The following GIPC2 variants were observed in gnomAD, a reference collection of about 807,000 sequenced individuals.
GIPC2 encodes PDZ domain-containing protein GIPC2.
A neutral mutation model predicts 30.6 loss-of-function variants in GIPC2; 30 were observed. That is an observed-to-expected ratio of 0.98 (90% CI 0.73 to 1.33). The LOEUF (loss-of-function observed/expected upper bound fraction) is 1.33. GIPC2 is among the 40% of genes most tolerant of loss of function. The pLI is 0.00. For missense variants in GIPC2, 414 were observed against 390.3 expected (o/e 1.06, Z -0.51); for synonymous variants, 167 against 150.0 (o/e 1.11, Z -0.83).
chr1:78,047,923 C>T (rs1263074237), intron 1 of GIPC2, among the ~76,000 whole-genome samples: 2 of 152,238 alleles, frequency 1.3e-5, no homozygotes, highest in African/African-American at 2.4e-5. Context: ...GATTCCTAAG[C>T]TAGTGAGCTT....
chr1:78,068,582 A>G (rs1425297382), intron 1 of GIPC2, among the ~76,000 whole-genome samples: 1 of 152,244 alleles, frequency 6.6e-6, no homozygotes, highest in African/African-American at 2.4e-5. Context: ...TGAAAGAGAT[A>G]GTATCTATAA....
At chr1:78,047,778 G>T (rs1309606557) in intron 1 of GIPC2, among the ~76,000 whole-genome samples, 2 of 152,122 alleles carry the variant, frequency 1.3e-5, no homozygotes, top group African/African-American at 4.8e-5. Context: ...TATGGTTAGG[G>T]CTTAATACAT....
intron 1 of GIPC2, among the ~76,000 whole-genome samples, chr1:78,053,179 G>T (rs1661225400): frequency 1.3e-5 from 2 of 152,308 alleles, no homozygotes; most frequent in South Asian, 4.1e-4. Context: ...CTGACATCTG[G>T]TAGGGGCCTT....
At chr1:78,045,024 G>T (rs568988051), upstream of GIPC2, 2 of 910,562 alleles carry the variant, frequency 2.2e-6, no homozygotes, top group African/African-American at 1.8e-5. Flanking sequence ...GGGTGGGGAC[G>T]GGGAGAGGAG....
At chr1:78,092,132 G>A in intron 2 of GIPC2, 1 of 869,698 alleles carries the variant, frequency 1.1e-6, no homozygotes, top group African/African-American at 1.7e-5. Flanking sequence ...GGGTGTTCAG[G>A]ATGGGAGACA....
chr1:78,087,032 A>G (rs543122042), intron 2 of GIPC2, among the ~76,000 whole-genome samples: 1 of 152,280 alleles, frequency 6.6e-6, no homozygotes, highest in East Asian at 1.9e-4. Context: ...TTATAGTAAC[A>G]CTGGTCTATG....
intron 2 of GIPC2, chr1:78,092,076 C>T: frequency 4.7e-6 from 7 of 1,478,550 alleles, no homozygotes; most frequent in South Asian, 2.3e-5. Context: ...GCTTCACCCC[C>T]CGGCTTTGTG....
chr1:78,127,286 C>A (rs889679850), intron 5 of GIPC2, among the ~76,000 whole-genome samples: 1 of 152,182 alleles, frequency 6.6e-6, no homozygotes, highest in African/African-American at 2.4e-5. Context: ...TTATTTGCAA[C>A]TCTAGTATCA....
chr1:78,046,288 A>C lies in GIPC2; in HGVS notation c.194A>C (p.Glu65Ala), dbSNP rs746877631. The part of the protein sequence containing the change: ...GRVEGFSSIQ[E>A]LYAQIAGAFE... ...GTGGAGGGCTTCTCCAGCATCCAGG[A>C]GCTCTACGCCCAGATCGCGGGCGCG... The change falls in exon 1 of 6, where the codon GAG (glutamate) becomes GCG (alanine). Residue 65 changes from glutamate to alanine, a missense_variant. Glu to Ala is a moderately radical substitution (Grantham distance 107, BLOSUM62 -1). Coordinates refer to ENST00000370759, the MANE Select transcript of GIPC2 (RefSeq NM_017655.6). 1 of 1,611,848 alleles carries C rather than the reference A, an allele frequency of 6.2e-7. No homozygotes were observed. The highest frequency in any genetic ancestry group is 8.5e-7 in the Non-Finnish European group (1 of 1,179,504).
chr1:78,071,245 CTA>C (rs1661612035), intron 1 of GIPC2, among the ~76,000 whole-genome samples: 2 of 152,016 alleles, frequency 1.3e-5, no homozygotes, highest in Non-Finnish European at 2.9e-5. Context: ...ACAAATGTAA[CTA>C]GTCATTTTTA....
At chr1:78,045,061 AT>A (rs1252591204), upstream of GIPC2, 2 of 983,346 alleles carry the variant, frequency 2.0e-6, no homozygotes, top group African/African-American at 1.7e-5. Flanking sequence ...AGAGGACAAA[AT>A]TTAAGAAGAA....
At chr1:78,101,176 A>G (rs925528350) in intron 3 of GIPC2, among the ~76,000 whole-genome samples, 2 of 152,150 alleles carry the variant, frequency 1.3e-5, no homozygotes, top group African/African-American at 2.4e-5. Context: ...GCACTGAGGA[A>G]TGGCCAGACA....
chr1:78,063,505 A>C (rs532903831), intron 1 of GIPC2, among the ~76,000 whole-genome samples: 18 of 80,500 alleles, frequency 2.2e-4, no homozygotes, highest in Admixed American at 1.1e-3. Flanking sequence ...AAAAACAAAC[A>C]AAAAAAAAAC....
intron 2 of GIPC2, chr1:78,091,922 C>T (rs982896606): frequency 5.9e-6 from 5 of 845,222 alleles, no homozygotes; most frequent in Non-Finnish European, 1.0e-5. Flanking sequence ...TTTCTATTAA[C>T]AACACTCTGT....
chr1:78,091,274 T>A (rs1662032341), intron 2 of GIPC2, among the ~76,000 whole-genome samples: 1 of 152,246 alleles, frequency 6.6e-6, no homozygotes, highest in African/African-American at 2.4e-5. Context: ...ACTGTATGAC[T>A]GTTAGCTTAT....
intron 2 of GIPC2, among the ~76,000 whole-genome samples, chr1:78,083,249 T>C (rs1361608116): frequency 6.6e-6 from 1 of 152,202 alleles, no homozygotes; most frequent in Non-Finnish European, 1.5e-5. Flanking sequence ...GAATAGTTCC[T>C]CAGCCTTTTA....
At chr1:78,077,272 A>G (rs1456645428) in intron 1 of GIPC2, among the ~76,000 whole-genome samples, 3 of 152,230 alleles carry the variant, frequency 2.0e-5, no homozygotes, top group Non-Finnish European at 2.9e-5. Flanking sequence ...TTATAGGCTG[A>G]AATGACAATA....
chr1:78,079,350 G>C (rs1417443787), intron 1 of GIPC2, among the ~76,000 whole-genome samples: 2 of 152,214 alleles, frequency 1.3e-5, no homozygotes, highest in African/African-American at 4.8e-5. Flanking sequence ...TGTATAGCAG[G>C]GACAGCTTTA....
intron 1 of GIPC2, among the ~76,000 whole-genome samples, chr1:78,070,493 C>G (rs564646145): frequency 6.6e-6 from 1 of 151,428 alleles, no homozygotes; most frequent in African/African-American, 2.4e-5. Flanking sequence ...CAGGTATCTC[C>G]TCTGAGTGTA....
Sources: gnomAD v4.1 joint callset for allele counts (sites outside exome capture counted in the v4.1 genomes callset) on GRCh38, gnomAD v4.1.1 for gene constraint, MANE v1.5 for transcripts, NCBI Gene and HGNC (gene_info 2026-07-23, HGNC 2026-07-21) for gene names.